Variants in MACROD2 observed in about 807,000 individuals in gnomAD.
The protein encoded by MACROD2 is mono-ADP ribosylhydrolase 2.
MACROD2 carries 36 observed loss-of-function variants against 70.4 expected under a neutral mutation model. The observed-to-expected ratio is 0.51, with a 90% CI of 0.39 to 0.68. The LOEUF is 0.68. Among genes scored for constraint, MACROD2 ranks in the 30% least tolerant of loss-of-function variants. MACROD2 has a pLI of 0.00. For missense variants in MACROD2, 496 were observed against 538.4 expected (o/e 0.92, Z 0.78); for synonymous variants, 172 against 178.8 (o/e 0.96, Z 0.30).
chr20:14,558,300 C>T (rs1203210025), intron 4 of MACROD2, among the ~76,000 whole-genome samples: 4 of 151,558 alleles, frequency 2.6e-5, no homozygotes, highest in African/African-American at 4.8e-5. Context: ...TATGAACATA[C>T]AAAAACCATT....
intron 8 of MACROD2, among the ~76,000 whole-genome samples, chr20:15,773,935 T>G (rs891308022): frequency 3.3e-5 from 5 of 152,172 alleles, no homozygotes; most frequent in African/African-American, 9.6e-5. Flanking sequence ...TTTTAATATC[T>G]TCCTTGGAGC....
intron 6 of MACROD2, among the ~76,000 whole-genome samples, chr20:15,327,206 TAGAA>T (rs1026098519): frequency 6.6e-6 from 1 of 152,120 alleles, no homozygotes; most frequent in African/African-American, 2.4e-5. Flanking sequence ...GGGAGAAACT[TAGAA>T]AGGCCTATTT....
intron 4 of MACROD2, among the ~76,000 whole-genome samples, chr20:14,590,354 TA>T (rs1372496875): frequency 6.6e-6 from 1 of 152,176 alleles, no homozygotes; most frequent in Non-Finnish European, 1.5e-5. Flanking sequence ...AAATACTTAC[TA>T]GGTAAGGTGG....
At chr20:14,254,607 G>A (rs570688365) in intron 3 of MACROD2, among the ~76,000 whole-genome samples, 162 of 152,066 alleles carry the variant, frequency 1.1e-3, no homozygotes, top group African/African-American at 1.5e-3. Context: ...TTTTCCCTAC[G>A]AAATACTAAA....
chr20:15,063,520 C>T lies in MACROD2; in HGVS notation c.419-166420C>T, dbSNP rs1279051960. ...GCTCTTTGTCCTTTTAAACTTGGCT[C>T]ATATTTTAAATGACGTTCCTCTGGG... On this transcript the variant is annotated intron_variant, in intron 5 of 17. Coordinates refer to ENST00000684519, the MANE Select transcript of MACROD2 (RefSeq NM_001351661.2). Among the ~76,000 whole-genome samples, 3 of 152,246 alleles carry T rather than the reference C, an allele frequency of 2.0e-5. 1 individual carries two copies. The East Asian group carries it at 5.8e-4, about 29-fold the overall frequency.
chr20:15,241,702 A>G (rs1390675095), intron 6 of MACROD2, among the ~76,000 whole-genome samples: 1 of 151,182 alleles, frequency 6.6e-6, no homozygotes, highest in African/African-American at 2.4e-5. Flanking sequence ...ATCCAGAAAC[A>G]GCTTCTCAAG....
Position 15,903,580 on chromosome 20 carries a change from T to G in MACROD2, c.775+17769T>G, listed in dbSNP as rs74414218. Among the ~76,000 whole-genome samples the G allele has an allele frequency of 3.9e-4, 60 of 152,148 alleles. 1 individual carries two copies. In the East Asian group the frequency reaches 0.011, roughly 27 times the overall value. ...CCCAAAGTCTCTGATTCAGTAGGTT[T>G]GGGGGTGGGGCTGAGAATCTTCACG... is the stretch of plus-strand genomic sequence containing the variant. On this transcript the variant is annotated intron_variant, in intron 10 of 17. Transcript: ENST00000684519.
At chr20:15,786,290 TAA>T (rs1177012643) in intron 8 of MACROD2, among the ~76,000 whole-genome samples, 20 of 151,982 alleles carry the variant, frequency 1.3e-4, no homozygotes, top group Non-Finnish European at 2.6e-4. Context: ...AAATTATATT[TAA>T]GATAGAATGA....
chr20:14,861,417 C>G (rs2122357984), intron 5 of MACROD2, among the ~76,000 whole-genome samples: 1 of 152,148 alleles, frequency 6.6e-6, no homozygotes, highest in East Asian at 1.9e-4. Flanking sequence ...CATCAAGACA[C>G]AGTCATAGAA....
intron 3 of MACROD2, among the ~76,000 whole-genome samples, chr20:14,437,299 A>G (rs2084067076): frequency 6.6e-6 from 1 of 152,060 alleles, no homozygotes; most frequent in Non-Finnish European, 1.5e-5. Flanking sequence ...CTATGTTTTA[A>G]AAAGGGTTTC....
chr20:14,393,613 AC>A (rs1322128471), intron 3 of MACROD2, among the ~76,000 whole-genome samples: 1 of 152,018 alleles, frequency 6.6e-6, no homozygotes, highest in African/African-American at 2.4e-5. Context: ...CCTCTCTCCC[AC>A]CAACACAGAA....
At chr20:15,631,805 GA>G (rs1183981799) in intron 8 of MACROD2, among the ~76,000 whole-genome samples, 1 of 152,152 alleles carries the variant, frequency 6.6e-6, no homozygotes, top group Admixed American at 6.5e-5. Flanking sequence ...CAGACATTTT[GA>G]TTTCACTGGT....
At chr20:15,125,529 G>A (rs1311949571) in intron 5 of MACROD2, among the ~76,000 whole-genome samples, 1 of 152,028 alleles carries the variant, frequency 6.6e-6, no homozygotes, top group African/African-American at 2.4e-5. Context: ...CAAGAAGAAA[G>A]TTTGGGAACG....
rs150617751 is a variant in MACROD2, at chr20:15,085,962, A to G, written c.419-143978A>G. Among the ~76,000 whole-genome samples, 3 of 151,360 alleles carry G rather than the reference A, an allele frequency of 2.0e-5. No individual in the cohort carries two copies. In the East Asian group the frequency reaches 5.9e-4, roughly 30 times the overall value. Reference sequence around the variant, plus strand: ...GTTCACAGAATCCATTCCTCAGGCCACCCATATCAACACTGCTTGAAACTT... The same window carrying G: ...GTTCACAGAATCCATTCCTCAGGCCGCCCATATCAACACTGCTTGAAACTT... On this transcript the variant is annotated intron_variant, in intron 5 of 17. Transcript: ENST00000684519.
chr20:15,244,323 T>C (rs1438688837), intron 6 of MACROD2, among the ~76,000 whole-genome samples: 1 of 152,200 alleles, frequency 6.6e-6, no homozygotes, highest in African/African-American at 2.4e-5. Flanking sequence ...GCTATAAATA[T>C]TAGAGAAAAA....
chr20:15,503,351 CT>C (rs773059007), intron 8 of MACROD2, among the ~76,000 whole-genome samples: 42 of 152,162 alleles, frequency 2.8e-4, no homozygotes, highest in Non-Finnish European at 5.3e-4. Flanking sequence ...ACAATTGGCT[CT>C]TGGAGCCTAA....
At chr20:15,689,025 CGGGCGTG>C in intron 8 of MACROD2, among the ~76,000 whole-genome samples, 1 of 152,206 alleles carries the variant, frequency 6.6e-6, no homozygotes, top group Non-Finnish European at 1.5e-5. Flanking sequence ...TAGATTGGGC[CGGGCGTG>C]ATGGCTCACG....
chr20:14,340,275 T>C (rs204609), intron 3 of MACROD2, among the ~76,000 whole-genome samples: 135,674 of 152,210 alleles, frequency 0.89, 60,694 homozygotes, highest in South Asian at 0.93. Context: ...GCTTCAGAGA[T>C]TAGCACAGCT....
intron 4 of MACROD2, among the ~76,000 whole-genome samples, chr20:14,540,974 G>C (rs935904099): frequency 3.3e-5 from 5 of 152,064 alleles, no homozygotes; most frequent in Admixed American, 3.3e-4. Flanking sequence ...ACTTCACCTG[G>C]CAATATCTAG....
Sources: gnomAD v4.1 joint callset for allele counts (sites outside exome capture counted in the v4.1 genomes callset) on GRCh38, gnomAD v4.1.1 for gene constraint, MANE v1.5 for transcripts, NCBI Gene and HGNC (gene_info 2026-07-23, HGNC 2026-07-21) for gene names.